The following ZNF740 variants were observed in gnomAD, a reference collection of about 807,000 sequenced individuals.
ZNF740 encodes zinc finger protein 740, also known as oriLyt TD-element-binding protein 7.
ZNF740 carries 14 observed loss-of-function variants against 24.8 expected under a neutral mutation model. The ratio of observed to expected loss-of-function variants is 0.56; its 90% CI spans 0.37 to 0.88. ZNF740 has a LOEUF of 0.88. Ranked by LOEUF, ZNF740 falls within the 40% of genes least tolerant of loss-of-function variation. ZNF740 has a pLI of 0.00. For synonymous variants in ZNF740, 69 were observed against 84.0 expected (o/e 0.82, Z 0.98); for missense variants, 201 against 247.9 (o/e 0.81, Z 1.27).
At chr12:53,185,136 A>AG (rs1941798472) in intron 3 of ZNF740, 96 bp downstream of exon 3, 1 of 1,567,294 alleles carries the variant, frequency 6.4e-7, no homozygotes, top group East Asian at 2.3e-5. Context: ...GCTTCCTCAT[A>AG]GGGAAGTGGG....
Position 53,194,109 on chromosome 12 carries a change from T to A in ZNF740, c.*6519T>A. 6.4e-7 allele frequency: 1 copy of A among 1,567,990 alleles called. No homozygotes were observed. The highest frequency in any genetic ancestry group is 8.7e-7 in the Non-Finnish European group (1 of 1,145,478). ...TACCTCAGGCTCTCATGTCACTCCC[T>A]GTACCTGCCACCCATCTTTTCCTGC... On this transcript the variant is annotated 3_prime_UTR_variant, in exon 7 of 7. Coordinates refer to ENST00000416904, the MANE Select transcript of ZNF740 (RefSeq NM_001004304.4).
chr12:53,186,932 A>G (rs1941834992), intron 6 of ZNF740: 1 of 182,436 alleles, frequency 5.5e-6, no homozygotes, highest in Non-Finnish European at 1.2e-5. Context: ...CTTTGGAGGA[A>G]GAGATACAAT....
At position 53,194,434 on chromosome 12, in the gene ZNF740, C is replaced by A. The variant is rs761493411; in HGVS notation, c.*6844C>A. ...TCCTCTCCAGGTGTTCCCAATTCTG[C>A]CAGCACCCTGCCCTCTGCCACCTGG... is the stretch of plus-strand genomic sequence containing the variant. On this transcript the variant is annotated 3_prime_UTR_variant, in exon 7 of 7. Coordinates refer to ENST00000416904, the MANE Select transcript of ZNF740 (RefSeq NM_001004304.4). 2.4e-5 allele frequency: 33 copies of A among 1,353,066 alleles called. No individual in the cohort carries two copies. The Admixed American group carries it at 3.8e-4, about 16-fold the overall frequency. 83.8% of individuals were successfully genotyped at this position (1,353,066 alleles called of 1,614,324 possible). A position where few individuals can be genotyped will look rare whatever the true frequency, so the allele number is the denominator to read the frequency against.
chr12:53,192,789 AT>A lies in ZNF740; in HGVS notation c.*5200del, dbSNP rs777329451. The A allele has an allele frequency of 6.2e-7, 1 of 1,614,250 alleles. No individual in the cohort carries two copies. The highest frequency in any genetic ancestry group is 1.1e-5 in the South Asian group (1 of 91,082). Reference sequence around the variant, plus strand: ...GGCAGCGGTTGCATTTGCAGCGTCCATGCCCACTGCAGAGCCCTCCCTCGGG... The same window carrying A: ...GGCAGCGGTTGCATTTGCAGCGTCCAGCCCACTGCAGAGCCCTCCCTCGGG... On this transcript the variant is annotated 3_prime_UTR_variant, in exon 7 of 7. Transcript: ENST00000416904.
At chr12:53,184,768 A>G in intron 2 of ZNF740, 123 bp from the exon 3 acceptor site, 1 of 1,147,204 alleles carries the variant, frequency 8.7e-7, no homozygotes, top group South Asian at 1.5e-5. Flanking sequence ...GGCAGTGAGG[A>G]GGGACATTCC....
At position 53,192,521 on chromosome 12, in the gene ZNF740, C is replaced by T. The variant is rs1464217426; in HGVS notation, c.*4931C>T. On this transcript the variant is annotated 3_prime_UTR_variant, in exon 7 of 7. Transcript: ENST00000416904. ...GGCCAGTGGGCCAGTCCTGAAGGCC[C>T]CACACTCTGCACAGTCCCTGTGTAG... The T allele has an allele frequency of 6.2e-7, 1 of 1,614,108 alleles. No homozygotes were observed. The highest frequency in any genetic ancestry group is 1.7e-5 in the Admixed American group (1 of 60,026).
At chr12:53,182,948 C>G (rs1291200777) in intron 2 of ZNF740, among the ~76,000 whole-genome samples, 3 of 152,182 alleles carry the variant, frequency 2.0e-5, no homozygotes, top group Admixed American at 2.0e-4. Context: ...TTGTAGTCAT[C>G]TGAGTAGAAT....
intron 2 of ZNF740, among the ~76,000 whole-genome samples, chr12:53,184,415 T>G (rs1263769442): frequency 3.3e-5 from 5 of 152,110 alleles, no homozygotes; most frequent in Non-Finnish European, 7.4e-5. Context: ...CTCGAACTCC[T>G]GACTTCGTGA....
In ZNF740 at chr12:53,192,973, G is replaced by T. The variant is rs1254463179; in HGVS notation, c.*5383G>T. ...CACACACACAGTTGGCCATCATGTG[G>T]CACGACAAGCCCACGCATCCAATCT... On this transcript the variant is annotated 3_prime_UTR_variant, in exon 7 of 7. Coordinates refer to ENST00000416904, the MANE Select transcript of ZNF740 (RefSeq NM_001004304.4). 6.6e-6 allele frequency: 10 copies of T among 1,519,270 alleles called. No individual in the cohort carries two copies. The highest frequency in any genetic ancestry group is 9.1e-6 in the Non-Finnish European group (10 of 1,100,110). The allele number at this position is 1,519,270 out of a possible 1,614,324, so 94.1% of individuals were successfully genotyped here.
At chr12:53,186,138 G>C (rs1178912854) in intron 5 of ZNF740, 61 bp downstream of exon 5, 1 of 1,572,812 alleles carries the variant, frequency 6.4e-7, no homozygotes. Flanking sequence ...TTCCATGTCT[G>C]TTTGTGGCTC....
In ZNF740 at chr12:53,191,481, C is replaced by T; in HGVS notation, c.*3891C>T. Reference sequence around the variant, plus strand: ...TAGTCCCCTACCAAGGTCTTACAGACCCACCCTTCCTCTCACCCTCCAGTT... The same window carrying T: ...TAGTCCCCTACCAAGGTCTTACAGATCCACCCTTCCTCTCACCCTCCAGTT... On this transcript the variant is annotated 3_prime_UTR_variant, in exon 7 of 7. Coordinates refer to ENST00000416904, the MANE Select transcript of ZNF740 (RefSeq NM_001004304.4). The T allele has an allele frequency of 8.3e-7, 1 of 1,201,718 alleles. No individual in the cohort carries two copies. Among genetic ancestry groups the T allele is most frequent in the Non-Finnish European group, 1.2e-6 (1 of 804,672 alleles). 74.4% of individuals were successfully genotyped at this position (1,201,718 alleles called of 1,614,324 possible). A position where few individuals can be genotyped will look rare whatever the true frequency, so the allele number is the denominator to read the frequency against.
At position 53,191,764 on chromosome 12, in the gene ZNF740, G is replaced by A. The variant is rs1941954181; in HGVS notation, c.*4174G>A. 2.6e-6 allele frequency: 4 copies of A among 1,564,194 alleles called. No individual in the cohort carries two copies. In the African/African-American group the frequency reaches 4.1e-5, roughly 16 times the overall value. On this transcript the variant is annotated 3_prime_UTR_variant, in exon 7 of 7. Coordinates refer to ENST00000416904, the MANE Select transcript of ZNF740 (RefSeq NM_001004304.4). The stretch of plus-strand genomic sequence containing the variant: ...AAGTTAGCAGAGGGGTTGGTTACAT[G>A]TGCCAGGGGCTGGGGGAACCCAGTG...
intron 3 of ZNF740, 88 bp from the exon 4 acceptor site, chr12:53,185,299 C>G: frequency 7.0e-7 from 1 of 1,419,228 alleles, no homozygotes; most frequent in Non-Finnish European, 9.8e-7. Context: ...GGTTTACTCT[C>G]ATTTATGAAT....
At position 53,193,553 on chromosome 12, in the gene ZNF740, G is replaced by A. The variant is rs1306476265; in HGVS notation, c.*5963G>A. Reference sequence around the variant, plus strand: ...GGAGCCCCAGTCAGGGGGAGGGCCTGGACATACATGGGAAGCTTCAAGGGA... The same window carrying A: ...GGAGCCCCAGTCAGGGGGAGGGCCTAGACATACATGGGAAGCTTCAAGGGA... On this transcript the variant is annotated 3_prime_UTR_variant, in exon 7 of 7. Coordinates refer to ENST00000416904, the MANE Select transcript of ZNF740 (RefSeq NM_001004304.4). The A allele has an allele frequency of 2.6e-6, 2 of 769,622 alleles. No homozygotes were observed. The highest frequency in any genetic ancestry group is 2.7e-5 in the East Asian group (1 of 36,874). 47.7% of individuals were successfully genotyped at this position (769,622 alleles called of 1,614,324 possible). A position where few individuals can be genotyped will look rare whatever the true frequency, so the allele number is the denominator to read the frequency against.
Position 53,184,833 on chromosome 12 carries a change from A to C in ZNF740, c.10-58A>C, listed in dbSNP as rs1941791566. 4 of 1,565,800 alleles carry C rather than the reference A, an allele frequency of 2.6e-6. No homozygotes were observed. In the East Asian group the frequency reaches 7.0e-5, roughly 27 times the overall value. ...AAAAGGTAGTTCTATAGAGGATGGC[A>C]GTCTGTTTTTGCCCTGCCCTGCCAG... is the stretch of plus-strand genomic sequence containing the variant. On this transcript the variant is annotated intron_variant, in intron 2 of 6. Transcript: ENST00000416904.
rs754093851 is a variant in ZNF740, at chr12:53,187,566, T to G, written c.558T>G (p.Thr186=). ...KRMCQGCQSK[T]SDGQFSL is the part of the protein sequence containing the mutation. The stretch of plus-strand genomic sequence containing the variant: ...TGTGCCAAGGGTGCCAGTCCAAGAC[T>G]TCCGACGGGCAGTTTTCTCTATAGG... The change falls in exon 7 of 7, where the codon ACT becomes ACG. Residue 186 remains threonine, a synonymous_variant. Transcript: ENST00000416904. The G allele has an allele frequency of 1.4e-5, 22 of 1,613,876 alleles. No homozygotes were observed. The highest frequency in any genetic ancestry group is 1.8e-5 in the Non-Finnish European group (21 of 1,179,884).
rs1450756674 is a variant in ZNF740, at chr12:53,194,506, C to T, written c.*6916C>T. 15 of 643,018 alleles carry T rather than the reference C, an allele frequency of 2.3e-5. No homozygotes were observed. The highest frequency in any genetic ancestry group is 3.7e-5 in the South Asian group (2 of 53,482). 39.8% of individuals were successfully genotyped at this position (643,018 alleles called of 1,614,324 possible). Reference sequence around the variant, plus strand: ...TCGAGGCATTTCTGGAGGGAGGACCCGTGAGAACCTTGCATAGAACATACA... The same window carrying T: ...TCGAGGCATTTCTGGAGGGAGGACCTGTGAGAACCTTGCATAGAACATACA... On this transcript the variant is annotated 3_prime_UTR_variant, in exon 7 of 7. Coordinates refer to ENST00000416904, the MANE Select transcript of ZNF740 (RefSeq NM_001004304.4).
Position 53,194,461 on chromosome 12 carries a change from G to A in ZNF740, c.*6871G>A, listed in dbSNP as rs186713729. 8.9e-6 allele frequency: 9 copies of A among 1,016,112 alleles called. No individual in the cohort carries two copies. The East Asian group carries it at 1.8e-4, about 21-fold the overall frequency. The allele number at this position is 1,016,112 out of a possible 1,614,324, so 62.9% of individuals were successfully genotyped here. A position where few individuals can be genotyped will look rare whatever the true frequency, so the allele number is the denominator to read the frequency against. On this transcript the variant is annotated 3_prime_UTR_variant, in exon 7 of 7. Coordinates refer to ENST00000416904, the MANE Select transcript of ZNF740 (RefSeq NM_001004304.4). ...AGCACCCTGCCCTCTGCCACCTGGG[G>A]CTCCTTCCATTCTGCCCAGTCGAGG...
chr12:53,184,435 CT>C (rs1245552281), intron 2 of ZNF740, among the ~76,000 whole-genome samples: 33 of 152,268 alleles, frequency 2.2e-4, no homozygotes, highest in African/African-American at 7.7e-4. Flanking sequence ...ATCCGCCCGC[CT>C]CATTCTCCCA....
Sources: allele counts gnomAD v4.1 joint callset (sites outside exome capture counted in the v4.1 genomes callset), GRCh38; gene constraint gnomAD v4.1.1; transcripts MANE v1.5; gene names NCBI Gene and HGNC (gene_info 2026-07-23, HGNC 2026-07-21).